The following HTRA3 variants were observed in gnomAD, a reference collection of about 807,000 sequenced individuals.
The protein encoded by HTRA3 is HtrA serine peptidase 3.
A neutral mutation model predicts 43.2 loss-of-function variants in HTRA3; 41 were observed. The ratio of observed to expected loss-of-function variants is 0.95; its 90% CI spans 0.74 to 1.23. The LOEUF (loss-of-function observed/expected upper bound fraction) is 1.23, where lower values mean the gene tolerates loss of function less well. Among genes scored for constraint, HTRA3 ranks in the 50% most tolerant of loss-of-function variants. The pLI is 0.00. For synonymous variants in HTRA3, 295 were observed against 287.9 expected (o/e 1.02, Z -0.25); for missense variants, 628 against 647.1 (o/e 0.97, Z 0.32).
chr4:8,295,699 C>A lies in HTRA3; in HGVS notation c.1051+1498C>A. On this transcript the variant is annotated intron_variant, in intron 6 of 8. Transcript: ENST00000307358. This position sits in a 1 kb window ranked among gnomAD's most constrained non-coding sequence, Gnocchi z 6.9. ...TGCTTTGCTGTCTCCTCCCAGCCCC[C>A]TCACTGGCAGTTCATTGAGAGCAGG... The A allele has an allele frequency of 2.8e-6, 4 of 1,421,000 alleles. No individual in the cohort carries two copies. Among genetic ancestry groups the A allele is most frequent in the Middle Eastern group, 1.8e-4 (1 of 5,566 alleles). 88.0% of individuals were successfully genotyped at this position (1,421,000 alleles called of 1,614,324 possible). A position where few individuals can be genotyped will look rare whatever the true frequency, so the allele number is the denominator to read the frequency against.
At chr4:8,294,263 TAACA>T in intron 6 of HTRA3, 62 bp downstream of exon 6, 6 of 1,242,192 alleles carry the variant, frequency 4.8e-6, no homozygotes, top group Non-Finnish European at 6.9e-6. Context: ...TACAGCCCCT[TAACA>T]CCCCAGCCCT....
chr4:8,304,148 C>A (rs770861960), intron 7 of HTRA3, 36 bp from the exon 8 acceptor site: 1 of 1,571,104 alleles, frequency 6.4e-7, no homozygotes, highest in Non-Finnish European at 8.8e-7. Context: ...TGGGCAAAGG[C>A]TCAGGGGAGG....
intron 3 of HTRA3, 91 bp from the exon 4 acceptor site, chr4:8,291,279 C>A: frequency 8.5e-7 from 1 of 1,171,776 alleles, no homozygotes; most frequent in Non-Finnish European, 1.3e-6. Context: ...CATGCCTTCC[C>A]TGGGACCCCC....
At chr4:8,272,553 G>T (rs1163224485) in intron 1 of HTRA3, among the ~76,000 whole-genome samples, 2 of 152,230 alleles carry the variant, frequency 1.3e-5, no homozygotes, top group South Asian at 2.1e-4. Context: ...AGACACGAAG[G>T]CACACGCCCC....
intron 6 of HTRA3, among the ~76,000 whole-genome samples, chr4:8,301,066 ACT>A (rs1269228530): frequency 2.1e-5 from 3 of 143,314 alleles, no homozygotes; most frequent in East Asian, 2.1e-4. Context: ...ATCGATTCAC[ACT>A]CTTTATTATT....
chr4:8,293,836 G>T (rs1295105097), intron 5 of HTRA3, among the ~76,000 whole-genome samples: 1 of 152,170 alleles, frequency 6.6e-6, no homozygotes, highest in African/African-American at 2.4e-5. Context: ...GAGCCTGGGG[G>T]CAGGCCCGAG....
intron 1 of HTRA3, among the ~76,000 whole-genome samples, chr4:8,276,557 G>A (rs1197269208): frequency 6.6e-6 from 1 of 152,242 alleles, no homozygotes; most frequent in Admixed American, 6.5e-5. Flanking sequence ...GTAAGAGGAG[G>A]GCCAGGGGCT....
chr4:8,302,386 C>T, intron 6 of HTRA3, 77 bp from the exon 7 acceptor site: 4 of 1,357,056 alleles, frequency 2.9e-6, no homozygotes, highest in Non-Finnish European at 4.2e-6. Context: ...GAACTTCTGT[C>T]CTCTGCCTGT....
At chr4:8,272,602 T>C (rs1431235946) in intron 1 of HTRA3, among the ~76,000 whole-genome samples, 2 of 152,194 alleles carry the variant, frequency 1.3e-5, no homozygotes, top group Non-Finnish European at 2.9e-5. Context: ...TTGTTTCATA[T>C]GTTGTTATCA....
At position 8,306,804 on chromosome 4, in the gene HTRA3, C is replaced by G. The variant is rs1713872305; in HGVS notation, c.*668C>G. On this transcript the variant is annotated 3_prime_UTR_variant, in exon 9 of 9. Transcript: ENST00000307358. This position sits in a 1 kb window ranked among gnomAD's most constrained non-coding sequence, Gnocchi z 8.9. ...GAGCACGTGGAAAGTTGGCTGCTGC[C>G]TGGGGAAGCTTCTCCTCCCCAAGGC... 1 of 152,778 alleles carries G rather than the reference C, an allele frequency of 6.5e-6. No individual in the cohort carries two copies. The highest frequency in any genetic ancestry group is 2.4e-5 in the African/African-American group (1 of 41,468). The allele number at this position is 152,778 out of a possible 1,614,324, so 9.5% of individuals were successfully genotyped here.
At chr4:8,305,026 A>G (rs189743165) in intron 8 of HTRA3, among the ~76,000 whole-genome samples, 2 of 152,188 alleles carry the variant, frequency 1.3e-5, no homozygotes, top group Non-Finnish European at 1.5e-5. Context: ...TTGCAACACC[A>G]TAGGCTGAGG....
Position 8,297,568 on chromosome 4 carries a change from G to A in HTRA3, c.1051+3367G>A, listed in dbSNP as rs536059465. The stretch of plus-strand genomic sequence containing the variant: ...GGCAGGGCTGTGGCCTCGAGGGTGA[G>A]GGCTGCATGACGGGGCAGGAGACCT... On this transcript the variant is annotated intron_variant, in intron 6 of 8. Coordinates refer to ENST00000307358, the MANE Select transcript of HTRA3 (RefSeq NM_053044.5). The surrounding 1 kb of genome is among the most constrained non-coding windows in gnomAD (Gnocchi z 5.8). 2.0e-4 allele frequency among the ~76,000 whole-genome samples: 30 copies of A among 152,190 alleles called. No homozygotes were observed. The highest frequency in any genetic ancestry group is 6.7e-4 in the African/African-American group (28 of 41,530).
Position 8,269,926 on chromosome 4 carries a change from C to T in HTRA3, c.-43C>T, listed in dbSNP as rs943212702. The T allele has an allele frequency of 2.5e-5, 24 of 975,154 alleles. No homozygotes were observed. The highest frequency in any genetic ancestry group is 9.3e-5 in the South Asian group (2 of 21,570). 60.4% of individuals were successfully genotyped at this position (975,154 alleles called of 1,614,324 possible). A position where few individuals can be genotyped will look rare whatever the true frequency, so the allele number is the denominator to read the frequency against. ...CGGCCTCGTTGTCCCCGCCGGCCCCCGCCCGGTCTCCCGCGCTGCCACCCG... is the reference window on the plus strand; with the variant it reads ...CGGCCTCGTTGTCCCCGCCGGCCCCTGCCCGGTCTCCCGCGCTGCCACCCG... On this transcript the variant is annotated 5_prime_UTR_variant, in exon 1 of 9. Transcript: ENST00000307358.
Position 8,269,979 on chromosome 4 carries a change from G to A in HTRA3, c.11G>A (p.Arg4Gln), listed in dbSNP as rs1712178363. The change falls in exon 1 of 9, where the codon CGA (arginine) becomes CAA (glutamine). Residue 4 changes from arginine to glutamine, a missense_variant. Coordinates refer to ENST00000307358, the MANE Select transcript of HTRA3 (RefSeq NM_053044.5). MQA[R>Q]ALLLAALAAL... The stretch of plus-strand genomic sequence containing the variant: ...GCCGGCCCTGCCGCCATGCAGGCGC[G>A]AGCGCTGCTCCTGGCCGCGTTGGCC... 2.5e-6 allele frequency: 3 copies of A among 1,208,564 alleles called. No homozygotes were observed. The highest frequency in any genetic ancestry group is 3.6e-5 in the East Asian group (1 of 27,532). 74.9% of individuals were successfully genotyped at this position (1,208,564 alleles called of 1,614,324 possible). A position where few individuals can be genotyped will look rare whatever the true frequency, so the allele number is the denominator to read the frequency against.
chr4:8,294,258 C>A, intron 6 of HTRA3, 57 bp downstream of exon 6: 2 of 1,241,886 alleles, frequency 1.6e-6, no homozygotes, highest in African/African-American at 1.5e-5. Flanking sequence ...AGGGCTACAG[C>A]CCCTTAACAC....
chr4:8,290,019 G>C (rs139889435), intron 3 of HTRA3, among the ~76,000 whole-genome samples: 23 of 152,292 alleles, frequency 1.5e-4, no homozygotes, highest in Non-Finnish European at 2.9e-4. Context: ...CTCAGTTCAC[G>C]GCCTCCCAGA....
At chr4:8,278,891 CT>C (rs1376015130) in intron 1 of HTRA3, among the ~76,000 whole-genome samples, 1 of 152,208 alleles carries the variant, frequency 6.6e-6, no homozygotes, top group African/African-American at 2.4e-5. Flanking sequence ...CACATTCTTT[CT>C]TCAGGGTGCT....
rs779589004 is a variant in HTRA3, at chr4:8,295,703, C to T, written c.1051+1502C>T. On this transcript the variant is annotated intron_variant, in intron 6 of 8. Coordinates refer to ENST00000307358, the MANE Select transcript of HTRA3 (RefSeq NM_053044.5). The surrounding 1 kb of genome is among the most constrained non-coding windows in gnomAD (Gnocchi z 6.9). The stretch of plus-strand genomic sequence containing the variant: ...TTGCTGTCTCCTCCCAGCCCCCTCA[C>T]TGGCAGTTCATTGAGAGCAGGGGGC... The T allele has an allele frequency of 1.3e-5, 18 of 1,420,656 alleles. No homozygotes were observed. Among genetic ancestry groups the T allele is most frequent in the Non-Finnish European group, 1.5e-5 (16 of 1,085,388 alleles). The allele number at this position is 1,420,656 out of a possible 1,614,324, so 88.0% of individuals were successfully genotyped here.
At position 8,306,207 on chromosome 4, in the gene HTRA3, G is replaced by C. The variant is rs932104310; in HGVS notation, c.*71G>C. 4 of 1,462,178 alleles carry C rather than the reference G, an allele frequency of 2.7e-6. No individual in the cohort carries two copies. The African/African-American group carries it at 5.7e-5, about 21-fold the overall frequency. The allele number at this position is 1,462,178 out of a possible 1,614,324, so 90.6% of individuals were successfully genotyped here. A position where few individuals can be genotyped will look rare whatever the true frequency, so the allele number is the denominator to read the frequency against. On this transcript the variant is annotated 3_prime_UTR_variant, in exon 9 of 9. Coordinates refer to ENST00000307358, the MANE Select transcript of HTRA3 (RefSeq NM_053044.5). This position sits in a 1 kb window ranked among gnomAD's most constrained non-coding sequence, Gnocchi z 8.9. ...GAGGGCAGCGCCCCCCCGAGATCAG[G>C]ACGAAGGACCACCGTCGGTCCTCAG... is the stretch of plus-strand genomic sequence containing the variant.
Sources: allele counts gnomAD v4.1 joint callset (sites outside exome capture counted in the v4.1 genomes callset), GRCh38; gene constraint gnomAD v4.1.1; non-coding constraint Gnocchi (gnomAD v3.1); transcripts MANE v1.5; gene names NCBI Gene and HGNC (gene_info 2026-07-23, HGNC 2026-07-21).